The following CTNNA2 variants were observed in gnomAD, a reference collection of about 807,000 sequenced individuals.
The protein encoded by CTNNA2 is catenin alpha 2.
CTNNA2 carries 42 observed loss-of-function variants against 101.0 expected under a neutral mutation model. The ratio of observed to expected loss-of-function variants is 0.42; its 90% CI spans 0.32 to 0.54. CTNNA2 has a LOEUF of 0.54. CTNNA2 is among the 20% of genes least tolerant of loss of function. The pLI is 0.14. For missense variants in CTNNA2, 871 were observed against 1,223.1 expected (o/e 0.71, Z 4.29); for synonymous variants, 450 against 456.4 (o/e 0.99, Z 0.18).
chr2:79,524,875 G>A (rs1010375235), intron 1 of CTNNA2: 2 of 149,116 alleles, frequency 1.3e-5, no homozygotes, highest in Admixed American at 1.3e-4. Flanking sequence ...AATTTACTTG[G>A]CACTTTTATA....
chr2:79,791,274 G>A (rs1213676378), intron 3 of CTNNA2, among the ~76,000 whole-genome samples: 1 of 152,124 alleles, frequency 6.6e-6, no homozygotes, highest in East Asian at 1.9e-4. Context: ...GAACAAATAA[G>A]AATCTCATGA....
intron 7 of CTNNA2, among the ~76,000 whole-genome samples, chr2:80,323,899 G>A (rs1678975686): frequency 6.6e-6 from 1 of 152,040 alleles, no homozygotes; most frequent in South Asian, 2.1e-4. Context: ...GAAAAAACAA[G>A]TCAGGTTACT....
intron 2 of CTNNA2, among the ~76,000 whole-genome samples, chr2:79,720,270 G>A (rs779924298): frequency 3.9e-5 from 6 of 152,106 alleles, no homozygotes; most frequent in Non-Finnish European, 8.8e-5. Context: ...TTTTGTACCA[G>A]TACCGTGCTG....
At chr2:79,718,651 A>G (rs144091511) in intron 2 of CTNNA2, among the ~76,000 whole-genome samples, 75 of 152,334 alleles carry the variant, frequency 4.9e-4, no homozygotes, top group African/African-American at 1.6e-3. Flanking sequence ...TTGTTGGTTT[A>G]TAAAAAATAG....
At position 79,886,262 on chromosome 2, in the gene CTNNA2, C is replaced by T. The variant is rs939280127; in HGVS notation, c.852+11920C>T. 5.3e-5 allele frequency among the ~76,000 whole-genome samples: 8 copies of T among 152,104 alleles called. No homozygotes were observed. In the East Asian group the frequency reaches 9.6e-4, roughly 18 times the overall value. On this transcript the variant is annotated intron_variant, in intron 6 of 18. Coordinates refer to ENST00000402739, the MANE Select transcript of CTNNA2 (RefSeq NM_001282597.3). ...TGATGAAATGTGAATGAGAGTATTT[C>T]TCAGGTAGAAAGATCATCATTGCAT...
intron 1 of CTNNA2, among the ~76,000 whole-genome samples, chr2:79,517,691 G>A (rs1374439068): frequency 6.6e-6 from 1 of 152,026 alleles, no homozygotes; most frequent in Admixed American, 6.6e-5. Flanking sequence ...TTACCTCAGA[G>A]CTGAATTCTA....
chr2:79,857,978 G>C, intron 3 of CTNNA2, 35 bp from the exon 4 acceptor site: 2 of 1,594,890 alleles, frequency 1.3e-6, no homozygotes, highest in Non-Finnish European at 1.7e-6. Context: ...TAAGCCTCTT[G>C]TCTACCCACC....
intron 7 of CTNNA2, among the ~76,000 whole-genome samples, chr2:80,071,014 C>T (rs946711855): frequency 3.2e-4 from 48 of 152,194 alleles, no homozygotes; most frequent in African/African-American, 1.1e-3. Context: ...AGATCCTTAA[C>T]TTACTTGTGT....
chr2:80,320,539 T>C (rs1040258499), intron 7 of CTNNA2, among the ~76,000 whole-genome samples: 16 of 152,294 alleles, frequency 1.1e-4, no homozygotes, highest in Admixed American at 1.0e-3. Flanking sequence ...CCCCCGATGA[T>C]TGCCATGTGG....
rs114755841 is a variant in CTNNA2 at position 79,389,535 on chromosome 2, G to T, written c.-135+15522G>T. On this transcript the variant is annotated intron_variant, in intron 4 of 21. Transcript: ENST00000466387. ...CCGAATCAGTATATGTTTTGTTAAT[G>T]GTGAATTATTGTTGTTTTCAGTTTA... Among the ~76,000 whole-genome samples the T allele has an allele frequency of 2.2e-3, 328 of 152,218 alleles. 2 individuals are homozygous for T. The highest frequency in any genetic ancestry group is 7.4e-3 in the African/African-American group (308 of 41,562).
At chr2:80,078,513 T>A (rs1698908562) in intron 7 of CTNNA2, among the ~76,000 whole-genome samples, 1 of 152,228 alleles carries the variant, frequency 6.6e-6, no homozygotes, top group Admixed American at 6.5e-5. Context: ...GGATGGTATG[T>A]ATCCATTCAG....
intron 7 of CTNNA2, among the ~76,000 whole-genome samples, chr2:79,990,327 T>C (rs1029235360): frequency 2.6e-5 from 4 of 152,018 alleles, no homozygotes; most frequent in Admixed American, 2.0e-4. Context: ...GAGAGTAGGA[T>C]AGAGGGGAAG....
In CTNNA2 at chr2:79,966,423, A is replaced by G. The variant is rs540880940; in HGVS notation, c.1056+56626A>G. On this transcript the variant is annotated intron_variant, in intron 7 of 18. Coordinates refer to ENST00000402739, the MANE Select transcript of CTNNA2 (RefSeq NM_001282597.3). ...GCTATTATTTTTATTTTTTGTAGAG[A>G]TAAAGTCTTTCTATGTTGTTTAGCC... Among the ~76,000 whole-genome samples the G allele has an allele frequency of 1.2e-4, 19 of 152,156 alleles. No homozygotes were observed. The South Asian group carries it at 3.9e-3, about 32-fold the overall frequency.
At chr2:79,977,808 C>T (rs2104596480) in intron 7 of CTNNA2, among the ~76,000 whole-genome samples, 1 of 152,066 alleles carries the variant, frequency 6.6e-6, no homozygotes, top group East Asian at 1.9e-4. Flanking sequence ...ACTCAATAAG[C>T]CTTGCCAGTC....
At chr2:79,587,078 A>G (rs937464381) in intron 1 of CTNNA2, among the ~76,000 whole-genome samples, 1 of 152,110 alleles carries the variant, frequency 6.6e-6, no homozygotes, top group Non-Finnish European at 1.5e-5. Context: ...TTTAATAGGC[A>G]TTTAGGTAGG....
chr2:79,410,706 A>G (rs1388094191), intron 4 of CTNNA2, among the ~76,000 whole-genome samples: 2 of 148,986 alleles, frequency 1.3e-5, no homozygotes, highest in African/African-American at 5.0e-5. Flanking sequence ...GTTTGCCAGT[A>G]TTTTATTGAG....
chr2:79,886,317 A>G lies in CTNNA2; in HGVS notation c.852+11975A>G, dbSNP rs527660337. On this transcript the variant is annotated intron_variant, in intron 6 of 18. Transcript: ENST00000402739. ...TTGTATGGTGGGTAAAGCCTGCATAAAGTGATTATTTCTGGGGTACAGAGG... is the reference window on the plus strand; with the variant it reads ...TTGTATGGTGGGTAAAGCCTGCATAGAGTGATTATTTCTGGGGTACAGAGG... 8.5e-5 allele frequency among the ~76,000 whole-genome samples: 13 copies of G among 152,242 alleles called. No homozygotes were observed. In the South Asian group the frequency reaches 2.7e-3, roughly 32 times the overall value.
chr2:80,619,085 A>T lies in CTNNA2; in HGVS notation c.2431A>T (p.Thr811Ser). 1 of 1,488,358 alleles carries T rather than the reference A, an allele frequency of 6.7e-7. No homozygotes were observed. Among genetic ancestry groups the T allele is most frequent in the Non-Finnish European group, 9.0e-7 (1 of 1,115,898 alleles). 92.2% of individuals were successfully genotyped at this position (1,488,358 alleles called of 1,614,324 possible). A position where few individuals can be genotyped will look rare whatever the true frequency, so the allele number is the denominator to read the frequency against. Reference protein sequence around the residue: ...NLGGELIVSGTGVQSTFTTFY... With the variant: ...NLGGELIVSGSGVQSTFTTFY... ...CTTTTCTGTATCTCTCGGAAATCAG[A>T]CAGGAGTTCAGAGCACTTTCACTAC... is the stretch of plus-strand genomic sequence containing the variant. Residue 811 changes from threonine (T) to serine (S), a missense_variant and splice_region_variant, in exon 18 of 19, where the codon ACA becomes TCA. Thr to Ser is a moderately conservative substitution (Grantham distance 58). Coordinates refer to ENST00000402739, the MANE Select transcript of CTNNA2 (RefSeq NM_001282597.3).
At chr2:80,422,264 A>T (rs1680594604) in intron 9 of CTNNA2, among the ~76,000 whole-genome samples, 1 of 152,130 alleles carries the variant, frequency 6.6e-6, no homozygotes, top group South Asian at 2.1e-4. Flanking sequence ...ATCAGATCTC[A>T]TGAGACTTAT....
Sources: gnomAD v4.1 joint callset for allele counts (sites outside exome capture counted in the v4.1 genomes callset) on GRCh38, gnomAD v4.1.1 for gene constraint, MANE v1.5 for transcripts, NCBI Gene and HGNC (gene_info 2026-07-23, HGNC 2026-07-21) for gene names.